Variants in ITGAM observed in about 807,000 individuals in gnomAD.
ITGAM encodes integrin subunit alpha M.
In ITGAM, 79 loss-of-function variants were observed where a neutral mutation model predicts 137.5. That is an observed-to-expected ratio of 0.57 (90% CI 0.48 to 0.69). ITGAM has a LOEUF of 0.69. Among genes scored for constraint, ITGAM ranks in the 30% least tolerant of loss-of-function variants. The pLI is 0.00. For missense variants in ITGAM, 1,343 were observed against 1,483.5 expected (o/e 0.91, Z 1.56); for synonymous variants, 583 against 592.3 (o/e 0.98, Z 0.23).
At chr16:31,299,465 T>C (rs1351939096) in intron 14 of ITGAM, among the ~76,000 whole-genome samples, 2 of 152,022 alleles carry the variant, frequency 1.3e-5, no homozygotes, top group African/African-American at 2.4e-5. Context: ...TGCACCACCA[T>C]GCCTGGCTAA....
intron 2 of ITGAM, among the ~76,000 whole-genome samples, chr16:31,262,377 T>A (rs1025110466): frequency 1.3e-4 from 19 of 141,196 alleles, no homozygotes; most frequent in African/African-American, 4.9e-4. Context: ...CCTTCCTTCC[T>A]TCCTTCCTTC....
At position 31,323,938 on chromosome 16, in the gene ITGAM, G is replaced by C. The variant is rs142658439; in HGVS notation, c.2003-461G>C. 6.7e-3 allele frequency among the ~76,000 whole-genome samples: 1,022 copies of C among 152,108 alleles called. 13 individuals are homozygous for C. The highest frequency in any genetic ancestry group is 0.024 in the African/African-American group (979 of 41,506). On this transcript the variant is annotated intron_variant, in intron 16 of 29. Transcript: ENST00000544665. ...TGAGGCAGGAGAAACGCTTGAACCT[G>C]GGAGGCAGAGGTTGCAGTGAGCTGA...
rs1466111781 is a variant in ITGAM, at chr16:31,325,057, C to T, written c.2363+26C>T. ...GTGAGTTTCCTTTCCTCCTCACCTC[C>T]TCCAGAGAAGGACCCGTACCATGAC... is the stretch of plus-strand genomic sequence containing the variant. On this transcript the variant is annotated intron_variant, in intron 19 of 29. Transcript: ENST00000544665. The T allele has an allele frequency of 1.9e-6, 3 of 1,589,736 alleles. No homozygotes were observed. In the African/African-American group the frequency reaches 4.0e-5, roughly 21 times the overall value.
At position 31,302,495 on chromosome 16, in the gene ITGAM, CTTCT is replaced by C. The variant is rs1270929378; in HGVS notation, c.1707+4556_1707+4559del. 3.6e-3 allele frequency among the ~76,000 whole-genome samples: 200 copies of C among 55,200 alleles called. 1 individual carries two copies. The highest frequency in any genetic ancestry group is 0.015 in the African/African-American group (187 of 12,756). The allele number at this position is 55,200 out of a possible 152,430, so 36.2% of individuals were successfully genotyped here. ...TCTTTCTTTCTTTCTTTTTTCTTTCCTTCTTTCTTTCTTTCTTTTTTTTCTTTCT... is the reference window on the plus strand; with the variant it reads ...TCTTTCTTTCTTTCTTTTTTCTTTCCTTCTTTCTTTCTTTTTTTTCTTTCT... On this transcript the variant is annotated intron_variant, in intron 14 of 29. Transcript: ENST00000544665.
intron 14 of ITGAM, among the ~76,000 whole-genome samples, chr16:31,319,152 G>A (rs1404790969): frequency 2.0e-5 from 3 of 151,676 alleles, no homozygotes; most frequent in African/African-American, 7.3e-5. Flanking sequence ...TGGTCCATGT[G>A]CACTTGAGAA....
intron 14 of ITGAM, among the ~76,000 whole-genome samples, chr16:31,301,421 A>G (rs74694488): frequency 6.6e-6 from 1 of 152,284 alleles, no homozygotes; most frequent in East Asian, 1.9e-4. Flanking sequence ...CCATTTGTCT[A>G]TATGTCTATC....
intron 6 of ITGAM, 149 bp downstream of exon 6, chr16:31,271,233 C>T (rs1596977247): frequency 3.4e-6 from 2 of 579,868 alleles, no homozygotes; most frequent in East Asian, 6.6e-5. Flanking sequence ...CTCTTTTCTG[C>T]TCTGTTGGAT....
intron 22 of ITGAM, 26 bp from the exon 23 acceptor site, chr16:31,328,121 G>T (rs370298050): frequency 1.3e-6 from 2 of 1,577,134 alleles, no homozygotes; most frequent in African/African-American, 1.3e-5. Context: ...CTCAAGAGCC[G>T]GCTGGAGCTC....
chr16:31,264,308 A>G (rs1167588704), intron 2 of ITGAM, among the ~76,000 whole-genome samples: 1 of 152,022 alleles, frequency 6.6e-6, no homozygotes, highest in African/African-American at 2.4e-5. Flanking sequence ...TTAGCCAAGC[A>G]TGGTGGCACA....
rs375582709 is a variant in ITGAM, at chr16:31,321,495, A to G, written c.1870A>G (p.Met624Val). The G allele has an allele frequency of 5.0e-6, 8 of 1,613,912 alleles. No homozygotes were observed. In the African/African-American group the frequency reaches 8.0e-5, roughly 16 times the overall value. Residue 624 changes from methionine to valine, a missense_variant, in exon 16 of 30, where the codon ATG becomes GTG. Coordinates refer to ENST00000544665, the MANE Select transcript of ITGAM (RefSeq NM_000632.4). The stretch of plus-strand genomic sequence containing the variant: ...GCCAGTACTGAGAGTCAAGGCAATC[A>G]TGGAGTTCAATCCCAGGGAAGTGGC... ...SQPVLRVKAI[M>V]EFNPREVARN...
At chr16:31,261,032 G>A (rs34572943) in intron 1 of ITGAM, among the ~76,000 whole-genome samples, 16,050 of 151,988 alleles carry the variant, frequency 0.11, 925 homozygotes, top group Middle Eastern at 0.17. Context: ...CAGCCTCTTG[G>A]TCTGCAAAAC....
At chr16:31,262,358 T>TCCTA (rs2079713018) in intron 2 of ITGAM, among the ~76,000 whole-genome samples, 1 of 127,802 alleles carries the variant, frequency 7.8e-6, no homozygotes, top group African/African-American at 3.1e-5. Flanking sequence ...CTTCCTTCCT[T>TCCTA]CCTTCCTTCC....
chr16:31,330,600 T>A lies in ITGAM; in HGVS notation c.3271T>A (p.Ser1091Thr), dbSNP rs768303554. The A allele has an allele frequency of 8.7e-6, 14 of 1,605,134 alleles. No homozygotes were observed. The African/African-American group carries it at 1.2e-4, about 14-fold the overall frequency. Residue 1091 changes from serine to threonine, a missense_variant, in exon 28 of 30, where the codon TCC becomes ACC. Physicochemically the swap from Ser to Thr is moderately conservative, Grantham distance 58 (BLOSUM62 1). Transcript: ENST00000544665. The stretch of plus-strand genomic sequence containing the variant: ...GCCGGGACAGGGGGCGTTTGTGAGG[T>A]CCCAGGTACCTGTCTTGGGCGCTGA... The part of the protein sequence containing the change: ...LLPGQGAFVR[S>T]QTETKVEPFE...
At chr16:31,316,469 C>A (rs191863681) in intron 14 of ITGAM, among the ~76,000 whole-genome samples, 50 of 151,770 alleles carry the variant, frequency 3.3e-4, no homozygotes, top group East Asian at 2.1e-3. Context: ...TTCCATTGGT[C>A]AATGTCTCTG....
At chr16:31,285,203 A>C (rs895562098) in intron 12 of ITGAM, among the ~76,000 whole-genome samples, 6 of 152,104 alleles carry the variant, frequency 3.9e-5, no homozygotes, top group African/African-American at 1.4e-4. Flanking sequence ...TTTCCATACC[A>C]TGTCTGGAAT....
chr16:31,330,576 C>T lies in ITGAM; in HGVS notation c.3247C>T (p.Pro1083Ser), dbSNP rs1333014942. 6.2e-7 allele frequency: 1 copy of T among 1,612,256 alleles called. No homozygotes were observed. The highest frequency in any genetic ancestry group is 8.5e-7 in the Non-Finnish European group (1 of 1,178,886). ...LFNDSVFTLL[P>S]GQGAFVRSQT... ...TAACGATTCCGTGTTCACCCTGCTGCCGGGACAGGGGGCGTTTGTGAGGTC... is the reference window on the plus strand; with the variant it reads ...TAACGATTCCGTGTTCACCCTGCTGTCGGGACAGGGGGCGTTTGTGAGGTC... Residue 1083 changes from proline to serine, a missense_variant, in exon 28 of 30, where the codon CCG becomes TCG. Pro to Ser is a moderately conservative substitution (Grantham distance 74). Transcript: ENST00000544665.
At chr16:31,262,771 C>G (rs2079720094) in intron 2 of ITGAM, among the ~76,000 whole-genome samples, 2 of 152,018 alleles carry the variant, frequency 1.3e-5, no homozygotes, top group South Asian at 4.1e-4. Context: ...GACCCTGAAG[C>G]CTAAAACATT....
chr16:31,279,811 A>C (rs1057286690), intron 12 of ITGAM, among the ~76,000 whole-genome samples: 6 of 152,104 alleles, frequency 3.9e-5, no homozygotes, highest in African/African-American at 1.4e-4. Context: ...GAAGTCCCTG[A>C]CCATGCCTAT....
At chr16:31,320,448 G>A (rs1329259007) in intron 14 of ITGAM, among the ~76,000 whole-genome samples, 2 of 152,036 alleles carry the variant, frequency 1.3e-5, no homozygotes, top group African/African-American at 4.8e-5. Flanking sequence ...TTATTTGGCT[G>A]TCATTTTTTT....
Sources: gnomAD v4.1 joint callset for allele counts (sites outside exome capture counted in the v4.1 genomes callset) on GRCh38, gnomAD v4.1.1 for gene constraint, MANE v1.5 for transcripts, NCBI Gene and HGNC (gene_info 2026-07-23, HGNC 2026-07-21) for gene names.